Variants in TBX1 observed in about 807,000 individuals in gnomAD.
The protein encoded by TBX1 is T-box transcription factor TBX1.
A neutral mutation model predicts 40.8 loss-of-function variants in TBX1; 16 were observed. That is an observed-to-expected ratio of 0.39 (90% CI 0.27 to 0.60). TBX1 has a LOEUF of 0.60. Ranked by LOEUF, TBX1 falls within the 20% of genes least tolerant of loss-of-function variation. TBX1 has a pLI of 0.51. For missense variants in TBX1, 755 were observed against 728.5 expected, an observed-to-expected ratio of 1.04 and a Z score of -0.42; for synonymous variants, 403 against 336.8, an observed-to-expected ratio of 1.20 and a Z score of -2.15.
intron 6 of TBX1, 184 bp downstream of exon 6, chr22:19,766,186 C>A (rs1390568841): frequency 7.2e-6 from 6 of 827,900 alleles, no homozygotes; most frequent in Non-Finnish European, 8.8e-6. Flanking sequence ...CCCCGCCCGC[C>A]GCCGCCGCCG....
At chr22:19,775,695 C>A (rs560245864) in intron 8 of TBX1, among the ~76,000 whole-genome samples, 1 of 152,140 alleles carries the variant, frequency 6.6e-6, no homozygotes, top group Non-Finnish European at 1.5e-5. Context: ...CCCACATGGC[C>A]GCACCCTGTC....
At position 19,767,285 on chromosome 22, in the gene TBX1, T is replaced by C; in HGVS notation, c.*418T>C. 1.0e-6 allele frequency: 1 copy of C among 995,890 alleles called. No individual in the cohort carries two copies. The highest frequency in any genetic ancestry group is 1.7e-5 in the African/African-American group (1 of 57,734). The allele number at this position is 995,890 out of a possible 1,614,324, so 61.7% of individuals were successfully genotyped here. ...ATACATGTAGATACTGTAGATACTG[T>C]AGATACCGCCCCGGCGCCGACTTGA... On this transcript the variant is annotated 3_prime_UTR_variant, in exon 7 of 7. Coordinates refer to ENST00000649276, the MANE Select transcript of TBX1 (RefSeq NM_001379200.1).
chr22:19,773,817 C>G (rs537966039), intron 8 of TBX1, among the ~76,000 whole-genome samples: 1 of 152,364 alleles, frequency 6.6e-6, no homozygotes, highest in South Asian at 2.1e-4. Flanking sequence ...GGTCTCCTTC[C>G]TGAGCTGCCG....
downstream of TBX1, among the ~76,000 whole-genome samples, chr22:19,767,704 C>CCCT (rs1007797290): frequency 3.3e-5 from 5 of 152,262 alleles, no homozygotes; most frequent in Non-Finnish European, 7.3e-5. Flanking sequence ...TGGGCCTGCG[C>CCCT]CCTGGCCTGT....
In TBX1 at chr22:19,766,403, C is replaced by T; in HGVS notation, c.1051C>T (p.Arg351Trp). The change falls in exon 7 of 7, where the codon CGG becomes TGG. Residue 351 changes from arginine (R) to tryptophan (W), a missense_variant. Arg to Trp is a moderately radical substitution (Grantham distance 101). Transcript: ENST00000649276. Reference protein sequence around the residue: ...SGTEKDAAEARREFQRDAGGP... With the variant: ...SGTEKDAAEAWREFQRDAGGP... ...CCTCTCCGCAGACGCGGCTGAGGCC[C>T]GGCGAGAATTCCAGCGCGACGCGGG... The T allele has an allele frequency of 1.5e-6, 2 of 1,342,098 alleles. No homozygotes were observed. The highest frequency in any genetic ancestry group is 1.9e-6 in the Non-Finnish European group (2 of 1,046,032). The allele number at this position is 1,342,098 out of a possible 1,614,324, so 83.1% of individuals were successfully genotyped here.
downstream of TBX1, among the ~76,000 whole-genome samples, chr22:19,770,318 G>A (rs1936967850): frequency 2.6e-5 from 4 of 152,218 alleles, no homozygotes; most frequent in South Asian, 2.1e-4. Context: ...TCACACCACT[G>A]CATCCCACGG....
chr22:19,766,517 G>C lies in TBX1; in HGVS notation c.1165G>C (p.Gly389Arg). The change falls in exon 7 of 7, where the codon GGC becomes CGC. Residue 389 changes from glycine (G) to arginine (R), a missense_variant. Coordinates refer to ENST00000649276, the MANE Select transcript of TBX1 (RefSeq NM_001379200.1). ...SPSLPGAGGAGGLVPLPGAPG... is the reference protein window; with the variant it reads ...SPSLPGAGGARGLVPLPGAPG... ...CTCGCTGCCCGGGGCCGGCGGCGCC[G>C]GCGGCTTAGTCCCGCTGCCCGGCGC... The C allele has an allele frequency of 3.0e-6, 4 of 1,314,642 alleles. No individual in the cohort carries two copies. The highest frequency in any genetic ancestry group is 3.9e-6 in the Non-Finnish European group (4 of 1,037,958). The allele number at this position is 1,314,642 out of a possible 1,614,324, so 81.4% of individuals were successfully genotyped here.
chr22:19,763,886 C>T (rs998603151), intron 2 of TBX1, among the ~76,000 whole-genome samples: 5 of 152,146 alleles, frequency 3.3e-5, no homozygotes, highest in Admixed American at 2.0e-4. Context: ...CCGCATCCAG[C>T]GAAATGAGAT....
At chr22:19,763,384 C>A in intron 2 of TBX1, 42 bp downstream of exon 2, 1 of 1,597,142 alleles carries the variant, frequency 6.3e-7, no homozygotes, top group Non-Finnish European at 8.6e-7. Flanking sequence ...GGAGGGCACC[C>A]TGGAAAGTGG....
downstream of TBX1, among the ~76,000 whole-genome samples, chr22:19,768,434 G>T (rs943127110): frequency 5.9e-5 from 9 of 152,220 alleles, no homozygotes; most frequent in Admixed American, 3.3e-4. Context: ...GTGGGAGGGG[G>T]TCTCCAGGGG....
At chr22:19,775,446 CCA>C (rs562691338) in intron 8 of TBX1, among the ~76,000 whole-genome samples, 1 of 152,236 alleles carries the variant, frequency 6.6e-6, no homozygotes, top group Non-Finnish European at 1.5e-5. Context: ...CCTAGATCAT[CCA>C]CAGTTTGCAA....
chr22:19,768,953 C>CTTTTTTTTTTTTTTTTT (rs36085623), downstream of TBX1, among the ~76,000 whole-genome samples: 485 of 66,064 alleles, frequency 7.3e-3, 73 homozygotes, highest in East Asian at 0.011. Context: ...TGTTCGCATT[C>CTTTTTTTTTTTTTTTTT]TTTTTTTTTT....
intron 8 of TBX1, among the ~76,000 whole-genome samples, chr22:19,777,020 A>G (rs1183806281): frequency 6.6e-6 from 1 of 152,208 alleles, no homozygotes; most frequent in Admixed American, 6.5e-5. Context: ...CAGAGGGCGC[A>G]TGTTATTGAA....
intron 1 of TBX1, among the ~76,000 whole-genome samples, chr22:19,761,533 G>C (rs1936663640): frequency 6.6e-6 from 1 of 151,666 alleles, no homozygotes; most frequent in African/African-American, 2.4e-5. Flanking sequence ...GCACGGGAAC[G>C]GCGAGGAGCC....
At position 19,760,911 on chromosome 22, in the gene TBX1, CG is replaced by C; in HGVS notation, c.70del (p.Ala24ProfsTer4). ...LSHFCDVAAF[T>X]ASSLSSLGAA... ...CATTTCTGCGACGTTGCAGCCTTCACGGCCAGCAGCCTGAGCAGCCTGGGGG... is the reference window on the plus strand; with the variant it reads ...CATTTCTGCGACGTTGCAGCCTTCACGCCAGCAGCCTGAGCAGCCTGGGGG... On this transcript the variant is annotated frameshift_variant, in exon 1 of 7. Transcript: ENST00000649276. LOFTEE classifies it high-confidence loss of function. The C allele has an allele frequency of 9.5e-7, 1 of 1,058,158 alleles. No individual in the cohort carries two copies. Among genetic ancestry groups the C allele is most frequent in the Non-Finnish European group, 1.2e-6 (1 of 866,090 alleles). The allele number at this position is 1,058,158 out of a possible 1,614,324, so 65.5% of individuals were successfully genotyped here. A position where few individuals can be genotyped will look rare whatever the true frequency, so the allele number is the denominator to read the frequency against.
chr22:19,757,390 A>C (rs971455791), upstream of TBX1, among the ~76,000 whole-genome samples: 2 of 152,068 alleles, frequency 1.3e-5, no homozygotes, highest in Admixed American at 6.5e-5. Context: ...CCGATCCTTG[A>C]GCGGCTGACC....
At chr22:19,759,632 T>A, upstream of TBX1, 6 of 1,612,132 alleles carry the variant, frequency 3.7e-6, no homozygotes, top group African/African-American at 1.3e-5. Flanking sequence ...GCTGCCAGGA[T>A]CCCCGGCAGG....
Position 19,766,973 on chromosome 22 carries a change from A to G in TBX1, c.*106A>G. Reference sequence around the variant, plus strand: ...GCAAGGAATACGTTCCCCCAGCCCCAGGGGCCACCGCGGCTCTCCCCTTCC... The same window carrying G: ...GCAAGGAATACGTTCCCCCAGCCCCGGGGGCCACCGCGGCTCTCCCCTTCC... On this transcript the variant is annotated 3_prime_UTR_variant, in exon 7 of 7. Transcript: ENST00000649276. 1.4e-6 allele frequency: 2 copies of G among 1,474,782 alleles called. No homozygotes were observed. The highest frequency in any genetic ancestry group is 1.8e-6 in the Non-Finnish European group (2 of 1,117,342). The allele number at this position is 1,474,782 out of a possible 1,614,324, so 91.4% of individuals were successfully genotyped here.
downstream of TBX1, chr22:19,767,465 G>A (rs1202315323): frequency 5.7e-6 from 5 of 876,314 alleles, no homozygotes; most frequent in Non-Finnish European, 6.8e-6. Flanking sequence ...GGTCGGTCCC[G>A]GTCCCACAGC....
Sources: allele counts gnomAD v4.1 joint callset (sites outside exome capture counted in the v4.1 genomes callset), GRCh38; gene constraint gnomAD v4.1.1; transcripts MANE v1.5; gene names NCBI Gene and HGNC (gene_info 2026-07-23, HGNC 2026-07-21).